CTNNA2: variants seen among roughly 807,000 people sequenced by gnomAD.
The protein encoded by CTNNA2 is catenin alpha 2.
Under a neutral mutation model 101.0 loss-of-function variants are expected in CTNNA2, and 42 were observed. The ratio of observed to expected loss-of-function variants is 0.42; its 90% CI spans 0.32 to 0.54. The LOEUF (loss-of-function observed/expected upper bound fraction) is 0.54, where lower values mean the gene tolerates loss of function less well. CTNNA2 is among the 20% of genes least tolerant of loss of function. The pLI is 0.14. For missense variants in CTNNA2, 871 were observed against 1,223.1 expected, an observed-to-expected ratio of 0.71 and a Z score of 4.29; for synonymous variants, 450 against 456.4, an observed-to-expected ratio of 0.99 and a Z score of 0.18.
chr2:79,735,109 A>T (rs1281175652), intron 2 of CTNNA2, among the ~76,000 whole-genome samples: 1 of 152,100 alleles, frequency 6.6e-6, no homozygotes, highest in African/African-American at 2.4e-5. Context: ...GAACATCCTT[A>T]AGCAAACTAA....
At chr2:79,407,806 G>A (rs1678355935) in intron 4 of CTNNA2, among the ~76,000 whole-genome samples, 1 of 152,020 alleles carries the variant, frequency 6.6e-6, no homozygotes, top group Non-Finnish European at 1.5e-5. Flanking sequence ...ACAAAGGGTT[G>A]TATCCATCTC....
At chr2:80,505,869 A>G (rs888910395) in intron 9 of CTNNA2, among the ~76,000 whole-genome samples, 3 of 152,224 alleles carry the variant, frequency 2.0e-5, no homozygotes, top group African/African-American at 7.2e-5. Flanking sequence ...TGTAAGTGCT[A>G]TACCTTTTTT....
chr2:80,584,850 G>T (rs2149725403), intron 14 of CTNNA2, among the ~76,000 whole-genome samples: 1 of 152,224 alleles, frequency 6.6e-6, no homozygotes, highest in South Asian at 2.1e-4. Context: ...TCATTCATTA[G>T]AAGGCTGACT....
chr2:80,050,745 G>A (rs1292035662), intron 7 of CTNNA2, among the ~76,000 whole-genome samples: 2 of 152,088 alleles, frequency 1.3e-5, no homozygotes, highest in Non-Finnish European at 2.9e-5. Flanking sequence ...CTGTCACCCA[G>A]GCTGCAGTGC....
Position 80,301,144 on chromosome 2 carries a change from T to A in CTNNA2, c.1057-92067T>A, listed in dbSNP as rs147062677. On this transcript the variant is annotated intron_variant, in intron 7 of 18. Coordinates refer to ENST00000402739, the MANE Select transcript of CTNNA2 (RefSeq NM_001282597.3). ...CCTAAAGTCTCTTGCTACAAGTCATTACCCTGCAGGCATTCATCCTAAGGT... is the reference window on the plus strand; with the variant it reads ...CCTAAAGTCTCTTGCTACAAGTCATAACCCTGCAGGCATTCATCCTAAGGT... Among the ~76,000 whole-genome samples, 397 of 152,266 alleles carry A rather than the reference T, an allele frequency of 2.6e-3. 1 individual carries two copies. The highest frequency in any genetic ancestry group is 9.0e-3 in the African/African-American group (376 of 41,556).
chr2:79,871,024 CCAT>C (rs958733936), intron 5 of CTNNA2, among the ~76,000 whole-genome samples: 3 of 152,118 alleles, frequency 2.0e-5, no homozygotes, highest in Non-Finnish European at 4.4e-5. Flanking sequence ...TATTTTGTTC[CCAT>C]CGAGTGGGTT....
chr2:79,597,335 G>T (rs1173986439), intron 1 of CTNNA2, among the ~76,000 whole-genome samples: 1 of 152,062 alleles, frequency 6.6e-6, no homozygotes, highest in African/African-American at 2.4e-5. Context: ...AGCCGGGCGT[G>T]GTGGCGGGCG....
chr2:79,416,245 T>C (rs1233007616), intron 4 of CTNNA2, among the ~76,000 whole-genome samples: 1 of 146,094 alleles, frequency 6.8e-6, no homozygotes, highest in Non-Finnish European at 1.5e-5. Flanking sequence ...CCTTGTCTTC[T>C]TCTTTCCTTT....
intron 1 of CTNNA2, among the ~76,000 whole-genome samples, chr2:79,536,949 AC>A (rs1673113113): frequency 6.6e-6 from 1 of 151,770 alleles, no homozygotes; most frequent in South Asian, 2.1e-4. Flanking sequence ...CAATCCGCCC[AC>A]CTCCGCCTCC....
intron 2 of CTNNA2, among the ~76,000 whole-genome samples, chr2:79,200,720 AC>A (rs1674022973): frequency 6.6e-6 from 1 of 152,164 alleles, no homozygotes; most frequent in African/African-American, 2.4e-5. Context: ...GAAAACAAAA[AC>A]AAACCATGAA....
At chr2:79,397,659 C>A (rs1463615027) in intron 4 of CTNNA2, among the ~76,000 whole-genome samples, 1 of 151,792 alleles carries the variant, frequency 6.6e-6, no homozygotes, top group Non-Finnish European at 1.5e-5. Context: ...TAAATTTTTT[C>A]ATTTTTATTT....
chr2:80,538,953 T>C (rs1221338194), intron 9 of CTNNA2, among the ~76,000 whole-genome samples: 1 of 152,140 alleles, frequency 6.6e-6, no homozygotes, highest in East Asian at 1.9e-4. Context: ...CCCTTGAAAA[T>C]TGTATTCCTA....
In CTNNA2 at chr2:80,012,931, G is replaced by A. The variant is rs190621110; in HGVS notation, c.1056+103134G>A. ...TGTAATCCCAGCACACTTTGTGGGA[G>A]GCTGGGAGGATCACTTGGGCTCTGG... On this transcript the variant is annotated intron_variant, in intron 7 of 18. Transcript: ENST00000402739. Among the ~76,000 whole-genome samples the A allele has an allele frequency of 3.5e-4, 53 of 152,292 alleles. No individual in the cohort carries two copies. In the East Asian group the frequency reaches 9.1e-3, roughly 26 times the overall value.
chr2:80,084,020 C>T (rs1362248711), intron 7 of CTNNA2, among the ~76,000 whole-genome samples: 2 of 152,036 alleles, frequency 1.3e-5, no homozygotes, highest in Non-Finnish European at 2.9e-5. Context: ...TCTTCACCCA[C>T]TGCCTTCCTC....
intron 1 of CTNNA2, among the ~76,000 whole-genome samples, chr2:79,633,087 A>C (rs1264174825): frequency 6.6e-6 from 1 of 152,362 alleles, no homozygotes; most frequent in African/African-American, 2.4e-5. Flanking sequence ...TTTGAAAAAC[A>C]ATCAGTCGTA....
intron 7 of CTNNA2, among the ~76,000 whole-genome samples, chr2:80,142,085 GA>G (rs537326433): frequency 1.3e-5 from 2 of 152,102 alleles, no homozygotes; most frequent in Non-Finnish European, 2.9e-5. Flanking sequence ...AGCTTTTAGA[GA>G]AAGCTTCGCC....
intron 9 of CTNNA2, among the ~76,000 whole-genome samples, chr2:80,457,491 A>C (rs1055904390): frequency 6.6e-6 from 1 of 152,142 alleles, no homozygotes; most frequent in Non-Finnish European, 1.5e-5. Flanking sequence ...TTTTTTTAGT[A>C]TAATGCTGAC....
At chr2:79,466,504 C>T (rs1049660777) in intron 4 of CTNNA2, among the ~76,000 whole-genome samples, 9 of 152,150 alleles carry the variant, frequency 5.9e-5, no homozygotes, top group South Asian at 2.1e-4. Context: ...CTTAAATGTC[C>T]CTGTCTGACA....
intron 1 of CTNNA2, among the ~76,000 whole-genome samples, chr2:79,523,930 T>C (rs1403749412): frequency 6.6e-6 from 1 of 152,130 alleles, no homozygotes; most frequent in Admixed American, 6.6e-5. Context: ...TTGCATGACT[T>C]AGTTATTTTA....
Sources: allele counts gnomAD v4.1 joint callset (sites outside exome capture counted in the v4.1 genomes callset), GRCh38; gene constraint gnomAD v4.1.1; transcripts MANE v1.5; gene names NCBI Gene and HGNC (gene_info 2026-07-23, HGNC 2026-07-21).